Variants in RBFOX1 observed in about 807,000 individuals in gnomAD.
RBFOX1 encodes the protein RNA binding fox-1 homolog 1, also known as RNA binding protein fox-1 homolog 1.
A neutral mutation model predicts 57.7 loss-of-function variants in RBFOX1; 8 were observed. The ratio of observed to expected loss-of-function variants is 0.14; its 90% confidence interval spans 0.08 to 0.25. The LOEUF (loss-of-function observed/expected upper bound fraction) is 0.25. RBFOX1 is among the 10% of genes least tolerant of loss of function. The probability of loss-of-function intolerance (pLI) is 1.00; values close to 1 mark genes in which losing one functional copy is unlikely to be tolerated. For synonymous variants in RBFOX1, 326 were observed against 222.4 expected (o/e 1.47, Z -4.15); for missense variants, 611 against 548.5 (o/e 1.11, Z -1.14).
chr16:5,362,859 C>T (rs940656088), intron 1 of RBFOX1, among the ~76,000 whole-genome samples: 35 of 152,148 alleles, frequency 2.3e-4, no homozygotes, highest in Middle Eastern at 3.4e-3. Context: ...TCAAATGTGG[C>T]AGGGTTTCCT....
At chr16:5,293,435 C>G (rs376561900) in intron 1 of RBFOX1, among the ~76,000 whole-genome samples, 14 of 152,230 alleles carry the variant, frequency 9.2e-5, no homozygotes, top group South Asian at 4.2e-4. Flanking sequence ...TCATCTGCAC[C>G]CAACCATATC....
chr16:6,484,769 C>A (rs554365301), intron 2 of RBFOX1, among the ~76,000 whole-genome samples: 2 of 152,272 alleles, frequency 1.3e-5, no homozygotes, highest in South Asian at 4.1e-4. Flanking sequence ...TTGGCAGTGT[C>A]ACCTTAGTAA....
At chr16:7,464,368 G>T (rs557633435) in intron 4 of RBFOX1, among the ~76,000 whole-genome samples, 2 of 151,952 alleles carry the variant, frequency 1.3e-5, no homozygotes, top group Non-Finnish European at 2.9e-5. Context: ...AAGGAATATC[G>T]CAGAAGCTGG....
At chr16:6,779,100 G>A (rs1470305455) in intron 3 of RBFOX1, among the ~76,000 whole-genome samples, 1 of 151,902 alleles carries the variant, frequency 6.6e-6, no homozygotes, top group African/African-American at 2.4e-5. Context: ...GTGAATACTG[G>A]ATCTTATGTC....
At chr16:5,873,646 A>C (rs1031792876) in intron 4 of RBFOX1, among the ~76,000 whole-genome samples, 8 of 152,214 alleles carry the variant, frequency 5.3e-5, no homozygotes, top group African/African-American at 1.9e-4. Context: ...CATACCCTCA[A>C]ATAACTGATG....
At chr16:7,456,461 A>G (rs1773619767) in intron 4 of RBFOX1, among the ~76,000 whole-genome samples, 1 of 152,244 alleles carries the variant, frequency 6.6e-6, no homozygotes, top group Non-Finnish European at 1.5e-5. Context: ...TGTAAACACA[A>G]GACAGGACGT....
intron 3 of RBFOX1, among the ~76,000 whole-genome samples, chr16:7,044,483 C>T (rs80240336): frequency 6.6e-6 from 1 of 152,150 alleles, no homozygotes; most frequent in Non-Finnish European, 1.5e-5. Context: ...AGATGAATCC[C>T]TGCTATTAAA....
rs530438775 is a variant in RBFOX1, at chr16:7,622,574, G to A, written c.677-8029G>A. On this transcript the variant is annotated intron_variant, in intron 10 of 15. Coordinates refer to ENST00000550418, the MANE Select transcript of RBFOX1 (RefSeq NM_018723.4). The stretch of plus-strand genomic sequence containing the variant: ...TTGTGACTTTTCCAAAAAGTCTCAA[G>A]TTATGTCAAAATAAAAAGCAAAAAG... Among the ~76,000 whole-genome samples, 16 of 152,068 alleles carry A rather than the reference G, an allele frequency of 1.1e-4. No individual in the cohort carries two copies. The East Asian group carries it at 1.4e-3, about 13-fold the overall frequency.
intron 2 of RBFOX1, among the ~76,000 whole-genome samples, chr16:6,572,296 C>A (rs981906905): frequency 6.6e-6 from 1 of 152,068 alleles, no homozygotes; most frequent in Non-Finnish European, 1.5e-5. Context: ...ATGACTCTTC[C>A]AAGTTGTCTG....
intron 14 of RBFOX1, among the ~76,000 whole-genome samples, chr16:7,690,887 A>T (rs2077169761): frequency 6.6e-6 from 1 of 152,064 alleles, no homozygotes; most frequent in East Asian, 1.9e-4. Flanking sequence ...CTCCCCTTAG[A>T]ACTGTACCAG....
intron 4 of RBFOX1, among the ~76,000 whole-genome samples, chr16:7,371,468 G>A (rs2097564372): frequency 2.0e-5 from 3 of 152,260 alleles, no homozygotes; most frequent in South Asian, 4.1e-4. Flanking sequence ...GCACATATAT[G>A]GCCAGGTGCG....
chr16:5,298,658 C>T (rs1489634814), intron 1 of RBFOX1, among the ~76,000 whole-genome samples: 1 of 19,546 alleles, frequency 5.1e-5, no homozygotes, highest in Non-Finnish European at 1.1e-4. Context: ...CTGCCCCTCC[C>T]TCCCCCCTCC....
At chr16:5,631,859 T>C (rs111628991) in intron 3 of RBFOX1, among the ~76,000 whole-genome samples, 63 of 152,258 alleles carry the variant, frequency 4.1e-4, no homozygotes, top group African/African-American at 1.5e-3. Flanking sequence ...GCAGCTCCCA[T>C]TGTAGGATCA....
At chr16:7,051,147 T>G (rs76621687) in intron 3 of RBFOX1, among the ~76,000 whole-genome samples, 1,857 of 152,276 alleles carry the variant, frequency 0.012, 39 homozygotes, top group African/African-American at 0.042. Flanking sequence ...TGGAAAGATA[T>G]AGAATAAAGG....
chr16:5,359,296 G>T (rs1596650046), intron 1 of RBFOX1, among the ~76,000 whole-genome samples: 1 of 152,220 alleles, frequency 6.6e-6, no homozygotes, highest in Admixed American at 6.5e-5. Context: ...AAATCTCCTT[G>T]ATATACTGGT....
chr16:5,837,628 A>G (rs1342518102), intron 3 of RBFOX1, among the ~76,000 whole-genome samples: 1 of 145,918 alleles, frequency 6.9e-6, no homozygotes, highest in Non-Finnish European at 1.5e-5. Context: ...TTTTCCTGAG[A>G]GGTTCCTGGT....
At chr16:7,165,201 T>C (rs887312515) in intron 4 of RBFOX1, among the ~76,000 whole-genome samples, 7 of 151,908 alleles carry the variant, frequency 4.6e-5, no homozygotes, top group African/African-American at 1.7e-4. Flanking sequence ...AGCAAGACAG[T>C]CTCTATCTCT....
chr16:7,161,055 C>T (rs1362813806), intron 4 of RBFOX1, among the ~76,000 whole-genome samples: 5 of 151,756 alleles, frequency 3.3e-5, no homozygotes, highest in Non-Finnish European at 2.9e-5. Flanking sequence ...AGGTTGTTCC[C>T]AGCTACCCAG....
intron 3 of RBFOX1, among the ~76,000 whole-genome samples, chr16:6,813,686 A>G (rs1340346726): frequency 6.6e-6 from 1 of 152,114 alleles, no homozygotes; most frequent in Non-Finnish European, 1.5e-5. Context: ...TCACCTTTCC[A>G]AGTCCCATAC....
Sources: allele counts gnomAD v4.1 joint callset (sites outside exome capture counted in the v4.1 genomes callset), GRCh38; gene constraint gnomAD v4.1.1; transcripts MANE v1.5; gene names NCBI Gene and HGNC (gene_info 2026-07-23, HGNC 2026-07-21).